Variants in PRELID2 observed in about 807,000 individuals in gnomAD.
PRELID2 encodes PRELI domain-containing protein 2.
PRELID2 carries 25 observed loss-of-function variants against 28.4 expected under a neutral mutation model. The observed-to-expected ratio is 0.88, with a 90% CI of 0.64 to 1.23. PRELID2 has a LOEUF of 1.23. Ranked by LOEUF, PRELID2 falls within the 50% of genes most tolerant of loss-of-function variation. PRELID2 has a pLI of 0.00. For synonymous variants in PRELID2, 76 were observed against 71.6 expected (o/e 1.06, Z -0.31); for missense variants, 201 against 214.4 (o/e 0.94, Z 0.39).
At chr5:145,615,541 T>C (rs1753685491) in intron 1 of PRELID2, among the ~76,000 whole-genome samples, 1 of 118,664 alleles carries the variant, frequency 8.4e-6, no homozygotes, top group Non-Finnish European at 1.7e-5. Context: ...TTAGCCAGGA[T>C]GGTCTCGATC....
chr5:145,671,148 CT>C (rs2149683100), intron 1 of PRELID2, among the ~76,000 whole-genome samples: 1 of 152,206 alleles, frequency 6.6e-6, no homozygotes, highest in South Asian at 2.1e-4. Flanking sequence ...GAAAATTTGT[CT>C]TTATAAAGAG....
the PRELID2 span, among the ~76,000 whole-genome samples, chr5:145,463,602 T>G: frequency 6.6e-6 from 1 of 152,188 alleles, no homozygotes; most frequent in Non-Finnish European, 1.5e-5. Context: ...GACTCTGATA[T>G]GGGTCCTGGA....
chr5:145,247,606 A>G, the PRELID2 span, among the ~76,000 whole-genome samples: 1 of 152,166 alleles, frequency 6.6e-6, no homozygotes, highest in African/African-American at 2.4e-5. Flanking sequence ...TTGCACATAC[A>G]TGAGTGGCTA....
At chr5:145,316,215 A>G in the PRELID2 span, among the ~76,000 whole-genome samples, 11 of 152,218 alleles carry the variant, frequency 7.2e-5, no homozygotes, top group African/African-American at 2.7e-4. Context: ...AATGAAGTGA[A>G]GAAAACATTA....
chr5:145,741,510 T>G (rs1410273704), intron 1 of PRELID2, among the ~76,000 whole-genome samples: 2 of 123,736 alleles, frequency 1.6e-5, no homozygotes, highest in African/African-American at 6.5e-5. Context: ...AAAATTTATT[T>G]ATAAATAATT....
the PRELID2 span, among the ~76,000 whole-genome samples, chr5:145,463,403 A>G: frequency 7.0e-6 from 1 of 143,820 alleles, no homozygotes; most frequent in Non-Finnish European, 1.5e-5. Context: ...TAATCCTTTT[A>G]CAATAGTTTA....
intron 1 of PRELID2, among the ~76,000 whole-genome samples, chr5:145,530,403 G>A (rs574696336): frequency 6.6e-6 from 1 of 152,066 alleles, no homozygotes; most frequent in African/African-American, 2.4e-5. Context: ...ATCAGAGGAG[G>A]AGTTCCACAG....
chr5:145,383,107 T>A, the PRELID2 span, among the ~76,000 whole-genome samples: 3 of 151,278 alleles, frequency 2.0e-5, 1 homozygote, highest in Admixed American at 2.0e-4. Context: ...ATAAATTTTT[T>A]AAAAATAAAA....
At chr5:145,720,813 G>A (rs1050725761) in intron 1 of PRELID2, among the ~76,000 whole-genome samples, 1 of 151,866 alleles carries the variant, frequency 6.6e-6, no homozygotes, top group South Asian at 2.1e-4. Context: ...AAGGGAGAGG[G>A]GAATTGGAAA....
chr5:145,265,892 T>C, the PRELID2 span, among the ~76,000 whole-genome samples: 1 of 152,198 alleles, frequency 6.6e-6, no homozygotes. Context: ...CTTCTAGACA[T>C]TGATTTAGGC....
the PRELID2 span, among the ~76,000 whole-genome samples, chr5:145,290,921 C>G: frequency 6.6e-6 from 1 of 150,574 alleles, no homozygotes. Context: ...TGTGGGTTGT[C>G]CTAATACCCA....
intron 1 of PRELID2, among the ~76,000 whole-genome samples, chr5:145,491,616 A>G (rs991821167): frequency 6.6e-6 from 1 of 152,134 alleles, no homozygotes; most frequent in Non-Finnish European, 1.5e-5. Flanking sequence ...TATTAACTAT[A>G]GTTATCATAT....
chr5:145,673,546 A>G (rs1754753256), intron 1 of PRELID2, among the ~76,000 whole-genome samples: 1 of 152,164 alleles, frequency 6.6e-6, no homozygotes, highest in Admixed American at 6.6e-5. Flanking sequence ...ATTGATGTAC[A>G]CACACCCCAC....
chr5:145,549,227 A>G (rs917395367), intron 1 of PRELID2, among the ~76,000 whole-genome samples: 12 of 152,206 alleles, frequency 7.9e-5, no homozygotes, highest in African/African-American at 1.9e-4. Flanking sequence ...CCACATCATT[A>G]TGACAGGAGA....
At chr5:145,832,298 C>A (rs4518453) in intron 1 of PRELID2, among the ~76,000 whole-genome samples, 107,902 of 151,974 alleles carry the variant, frequency 0.71, 39,591 homozygotes, top group Non-Finnish European at 0.82. Context: ...TGATTCTCAT[C>A]TTAGCCTCCC....
chr5:145,747,719 A>G (rs1245378394), intron 1 of PRELID2, among the ~76,000 whole-genome samples: 1 of 152,218 alleles, frequency 6.6e-6, no homozygotes, highest in East Asian at 1.9e-4. Context: ...AGAAAACTTC[A>G]GGCCAATATC....
intron 1 of PRELID2, among the ~76,000 whole-genome samples, chr5:145,745,098 A>T (rs186949965): frequency 6.6e-6 from 1 of 152,020 alleles, no homozygotes; most frequent in East Asian, 1.9e-4. Context: ...GACCAAGCAG[A>T]AGAAAGGATA....
intron 1 of PRELID2, among the ~76,000 whole-genome samples, chr5:145,502,667 T>G (rs1438391813): frequency 6.6e-6 from 1 of 152,168 alleles, no homozygotes; most frequent in Non-Finnish European, 1.5e-5. Context: ...TCATCTCTTT[T>G]GCCCTCGGAG....
chr5:145,790,278 A>G (rs1329407414), intron 5 of PRELID2, among the ~76,000 whole-genome samples: 3 of 152,194 alleles, frequency 2.0e-5, no homozygotes, highest in African/African-American at 4.8e-5. Context: ...GGACAAAGAA[A>G]ATGTGGTATA....
Sources: allele counts gnomAD v4.1 joint callset (sites outside exome capture counted in the v4.1 genomes callset), GRCh38; gene constraint gnomAD v4.1.1; transcripts MANE v1.5; gene names NCBI Gene and HGNC (gene_info 2026-07-23, HGNC 2026-07-21).